The following LRBA variants were observed in gnomAD, a reference collection of about 807,000 sequenced individuals.
LRBA encodes LPS responsive beige-like anchor protein.
A neutral mutation model predicts 330.0 loss-of-function variants in LRBA; 176 were observed. The ratio of observed to expected loss-of-function variants is 0.53; its 90% CI spans 0.47 to 0.60. The LOEUF is 0.60. Among genes scored for constraint, LRBA ranks in the 20% least tolerant of loss-of-function variants. The pLI is 0.00. For missense variants in LRBA, 3,259 were observed against 3,444.8 expected (o/e 0.95, Z 1.35); for synonymous variants, 1,230 against 1,193.0 (o/e 1.03, Z -0.64).
chr4:150,300,189 C>G (rs914071742), intron 53 of LRBA, among the ~76,000 whole-genome samples: 2 of 151,998 alleles, frequency 1.3e-5, no homozygotes, highest in Admixed American at 6.6e-5. Context: ...TTGTCTTTCT[C>G]CTGGATTCAT....
chr4:150,482,524 T>C (rs952905870), intron 42 of LRBA, among the ~76,000 whole-genome samples: 4 of 152,054 alleles, frequency 2.6e-5, no homozygotes, highest in Non-Finnish European at 4.4e-5. Context: ...CATGAACATA[T>C]ATTTTCATTC....
At chr4:150,344,357 T>C (rs1441030934) in intron 48 of LRBA, among the ~76,000 whole-genome samples, 2 of 152,222 alleles carry the variant, frequency 1.3e-5, no homozygotes, top group African/African-American at 4.8e-5. Context: ...ATTTACTGTG[T>C]TTACTTCAAC....
chr4:150,315,395 GA>G, intron 51 of LRBA, 165 bp downstream of exon 51: 1 of 676,134 alleles, frequency 1.5e-6, no homozygotes. Flanking sequence ...GGGAGTTGAT[GA>G]AATACCAGCA....
intron 28 of LRBA, among the ~76,000 whole-genome samples, chr4:150,842,896 T>C (rs749999102): frequency 1.3e-5 from 2 of 151,656 alleles, no homozygotes; most frequent in Non-Finnish European, 2.9e-5. Context: ...AATGGACCTG[T>C]AGGGGGTAAG....
intron 30 of LRBA, among the ~76,000 whole-genome samples, chr4:150,822,649 G>A (rs1227650491): frequency 2.6e-5 from 4 of 152,064 alleles, no homozygotes; most frequent in African/African-American, 9.7e-5. Context: ...AGCTACTCAG[G>A]GGACTGAGGA....
intron 37 of LRBA, among the ~76,000 whole-genome samples, chr4:150,663,329 G>A (rs1781290194): frequency 6.6e-6 from 1 of 151,914 alleles, no homozygotes; most frequent in African/African-American, 2.4e-5. Flanking sequence ...CAGAAGACCA[G>A]GCTCAAGTAA....
At chr4:150,404,901 C>G (rs994657724) in intron 47 of LRBA, among the ~76,000 whole-genome samples, 1 of 152,092 alleles carries the variant, frequency 6.6e-6, no homozygotes, top group African/African-American at 2.4e-5. Flanking sequence ...TAACATGTCA[C>G]TAAACAAAAT....
At chr4:150,931,679 AT>A (rs1308833661) in intron 2 of LRBA, among the ~76,000 whole-genome samples, 3 of 151,740 alleles carry the variant, frequency 2.0e-5, no homozygotes, top group African/African-American at 7.3e-5. Flanking sequence ...AGGTGGGAAG[AT>A]TGCTTGAGCC....
intron 40 of LRBA, among the ~76,000 whole-genome samples, chr4:150,496,727 C>A (rs1236229228): frequency 2.0e-5 from 3 of 152,018 alleles, no homozygotes; most frequent in Admixed American, 6.6e-5. Context: ...TTTTTTCAGA[C>A]AATTCCAGAT....
chr4:150,614,817 A>T lies in LRBA; in HGVS notation c.5922-15686T>A, dbSNP rs575365633. ...CTCCCTAAGTCATGTAACACTGCAA[A>T]AGCAATGTGTTCCCTGGCTGGGTAG... On this transcript the variant is annotated intron_variant, in intron 37 of 56. Coordinates refer to ENST00000651943, the MANE Select transcript of LRBA (RefSeq NM_001364905.1). Among the ~76,000 whole-genome samples the T allele has an allele frequency of 1.1e-3, 164 of 152,350 alleles. 1 individual carries two copies. The highest frequency in any genetic ancestry group is 3.1e-3 in the African/African-American group (129 of 41,580).
intron 30 of LRBA, among the ~76,000 whole-genome samples, chr4:150,826,801 C>G (rs1746347432): frequency 1.3e-5 from 2 of 152,138 alleles, no homozygotes; most frequent in African/African-American, 4.8e-5. Flanking sequence ...TCTTAGGAAA[C>G]AACTGTCAAC....
intron 47 of LRBA, among the ~76,000 whole-genome samples, chr4:150,401,513 C>T (rs901402227): frequency 1.3e-5 from 2 of 152,012 alleles, no homozygotes; most frequent in African/African-American, 2.4e-5. Flanking sequence ...GTAATGGCAG[C>T]CCTAGGAAAC....
chr4:150,546,941 C>T (rs1052965125), intron 40 of LRBA, among the ~76,000 whole-genome samples: 1 of 152,140 alleles, frequency 6.6e-6, no homozygotes, highest in Non-Finnish European at 1.5e-5. Context: ...AAAGTAAAAA[C>T]TCAACTGATG....
chr4:150,617,513 G>T (rs1438030074), intron 37 of LRBA, among the ~76,000 whole-genome samples: 1 of 152,046 alleles, frequency 6.6e-6, no homozygotes, highest in East Asian at 1.9e-4. Context: ...ATGGTGGCAG[G>T]CGCCTGTAAT....
chr4:150,816,262 G>A (rs1011113126), intron 31 of LRBA, among the ~76,000 whole-genome samples: 17 of 151,846 alleles, frequency 1.1e-4, no homozygotes, highest in East Asian at 3.9e-4. Context: ...TTTATTTTCC[G>A]TCAATCTCAA....
At chr4:150,893,201 T>A (rs1266782013) in intron 16 of LRBA, 52 bp from the exon 17 acceptor site, 10 of 930,590 alleles carry the variant, frequency 1.1e-5, no homozygotes, top group Non-Finnish European at 1.7e-5. Flanking sequence ...AACAACTTAG[T>A]TGAATAATGA....
intron 36 of LRBA, among the ~76,000 whole-genome samples, chr4:150,734,782 C>T (rs908569510): frequency 3.3e-5 from 5 of 152,086 alleles, no homozygotes; most frequent in African/African-American, 9.7e-5. Context: ...GTGTGTGCTC[C>T]CTCATTTCCT....
In LRBA at chr4:150,868,937, C is replaced by CA. The variant is rs1040635861; in HGVS notation, c.2450-633dup. Among the ~76,000 whole-genome samples, 17 of 148,906 alleles carry CA rather than the reference C, an allele frequency of 1.1e-4. No homozygotes were observed. In the South Asian group the frequency reaches 2.5e-3, roughly 22 times the overall value. The stretch of plus-strand genomic sequence containing the variant: ...TAAGCGACACAGCAAGACTCTGTCT[C>CA]AAAAAAAAATAATGAAATAAAATAA... On this transcript the variant is annotated intron_variant, in intron 20 of 56. Transcript: ENST00000651943.
intron 37 of LRBA, among the ~76,000 whole-genome samples, chr4:150,658,262 T>A (rs967827030): frequency 8.6e-5 from 13 of 151,214 alleles, no homozygotes; most frequent in Non-Finnish European, 1.8e-4. Context: ...AATACTTTCT[T>A]AAAAAGGTAT....
Sources: gnomAD v4.1 joint callset for allele counts (sites outside exome capture counted in the v4.1 genomes callset) on GRCh38, gnomAD v4.1.1 for gene constraint, MANE v1.5 for transcripts, NCBI Gene and HGNC (gene_info 2026-07-23, HGNC 2026-07-21) for gene names.